TARBP1: variants seen among roughly 807,000 people sequenced by gnomAD.
TARBP1 encodes the protein tRNA (guanosine(18)-2'-O)-methyltransferase TARBP1.
TARBP1 carries 144 observed loss-of-function variants against 178.6 expected under a neutral mutation model. The ratio of observed to expected loss-of-function variants is 0.81; its 90% CI spans 0.70 to 0.93. The LOEUF is 0.93. Ranked by LOEUF, TARBP1 falls within the 40% of genes least tolerant of loss-of-function variation. TARBP1 has a pLI of 0.00. For missense variants in TARBP1, 2,067 were observed against 2,011.7 expected (o/e 1.03, Z -0.53); for synonymous variants, 787 against 781.0 (o/e 1.01, Z -0.13).
Position 234,472,810 on chromosome 1 carries a change from G to T in TARBP1, c.933C>A (p.Gly311=), listed in dbSNP as rs368606335. ...TCTCAGACCACCAAAACAGACTTGG[G>T]CCTGATATGGTTTAAAAAAGAAAAT... is the stretch of plus-strand genomic sequence containing the variant. ...DCTCGPQEGN[G]PSLFWWSERK... is the part of the protein sequence containing the mutation. Residue 311 remains glycine (G), a splice_region_variant and synonymous_variant, in exon 2 of 30, where the codon GGC becomes GGA. Coordinates refer to ENST00000040877, the MANE Select transcript of TARBP1 (RefSeq NM_005646.4). 1 of 1,588,754 alleles carries T rather than the reference G, an allele frequency of 6.3e-7. No individual in the cohort carries two copies. The highest frequency in any genetic ancestry group is 8.5e-7 in the Non-Finnish European group (1 of 1,173,256).
At chr1:234,425,929 A>G in intron 19 of TARBP1, 136 bp from the exon 20 acceptor site, 2 of 639,216 alleles carry the variant, frequency 3.1e-6, no homozygotes, top group Non-Finnish European at 5.3e-6. Context: ...ATACTTAATG[A>G]CAATACTTTT....
Position 234,478,870 on chromosome 1 carries a change from T to C in TARBP1, c.234A>G (p.Gly78=), listed in dbSNP as rs1669851808. 1 of 1,286,570 alleles carries C rather than the reference T, an allele frequency of 7.8e-7. No individual in the cohort carries two copies. The highest frequency in any genetic ancestry group is 1.6e-5 in the African/African-American group (1 of 63,748). The allele number at this position is 1,286,570 out of a possible 1,614,324, so 79.7% of individuals were successfully genotyped here. ...TGGGGTCCGGGCCGCCCGCGGGGCG[T>C]CCGCGCAGGCTCCGCAGCAGTGGCA... ...YLVPLLRSLR[G]RPAGGPDPSL... Residue 78 remains glycine, a synonymous_variant, in exon 1 of 30, where the codon GGA becomes GGG. Coordinates refer to ENST00000040877, the MANE Select transcript of TARBP1 (RefSeq NM_005646.4).
intron 12 of TARBP1, among the ~76,000 whole-genome samples, chr1:234,442,235 A>C (rs1665671785): frequency 6.6e-6 from 1 of 152,196 alleles, no homozygotes. Context: ...AAACAAAAAT[A>C]AACTGGATTT....
chr1:234,418,259 C>T (rs1363508306), intron 21 of TARBP1, 26 bp from the exon 22 acceptor site: 16 of 1,524,528 alleles, frequency 1.0e-5, no homozygotes, highest in Non-Finnish European at 1.3e-5. Flanking sequence ...CACAATTAAC[C>T]AGTTACAGTT....
intron 17 of TARBP1, 103 bp from the exon 18 acceptor site, chr1:234,427,869 A>T: frequency 5.7e-6 from 4 of 698,374 alleles, no homozygotes; most frequent in Non-Finnish European, 6.3e-6. Context: ...GAACAGTCTA[A>T]AAACTGTTAA....
intron 9 of TARBP1, among the ~76,000 whole-genome samples, chr1:234,452,851 C>CTTTATTTA (rs1427087932): frequency 2.0e-5 from 3 of 151,106 alleles, no homozygotes; most frequent in Non-Finnish European, 4.4e-5. Flanking sequence ...TGTGGTACAT[C>CTTTATTTA]CAGACAATGA....
intron 12 of TARBP1, among the ~76,000 whole-genome samples, chr1:234,445,395 C>G (rs2103198697): frequency 6.6e-6 from 1 of 152,212 alleles, no homozygotes; most frequent in South Asian, 2.1e-4. Context: ...TCCCAAATTT[C>G]TATCTCTAAC....
chr1:234,402,952 T>C (rs1336451033), intron 24 of TARBP1, among the ~76,000 whole-genome samples: 1 of 152,102 alleles, frequency 6.6e-6, no homozygotes, highest in African/African-American at 2.4e-5. Flanking sequence ...TCTTGATAAA[T>C]CCAGTCAGTA....
chr1:234,462,310 T>C (rs1350250598), intron 6 of TARBP1, among the ~76,000 whole-genome samples: 1 of 152,202 alleles, frequency 6.6e-6, no homozygotes, highest in African/African-American at 2.4e-5. Flanking sequence ...GCTACTGACA[T>C]GTAAGGCAGC....
At position 234,430,237 on chromosome 1, in the gene TARBP1, TC is replaced by T; in HGVS notation, c.2458del (p.Glu820ArgfsTer3). The T allele has an allele frequency of 1.9e-6, 3 of 1,614,180 alleles. No individual in the cohort carries two copies. The highest frequency in any genetic ancestry group is 2.5e-6 in the Non-Finnish European group (3 of 1,180,032). ...VSMAALAMVC[E>X]AIDQKPELQL... is the part of the protein sequence containing the mutation. ...CAGCTCAGGCTTCTGGTCTATGGCC[TC>T]ACACACCATGGCCAAGGCAGCCATG... On this transcript the variant is annotated frameshift_variant, in exon 15 of 30. Coordinates refer to ENST00000040877, the MANE Select transcript of TARBP1 (RefSeq NM_005646.4). LOFTEE classifies it high-confidence loss of function.
intron 9 of TARBP1, among the ~76,000 whole-genome samples, chr1:234,455,734 C>A (rs2103243901): frequency 6.6e-6 from 1 of 151,944 alleles, no homozygotes; most frequent in South Asian, 2.1e-4. Context: ...ATTACCCATT[C>A]AGCAAGCAAA....
intron 6 of TARBP1, among the ~76,000 whole-genome samples, chr1:234,462,029 A>C (rs1343448533): frequency 2.0e-5 from 3 of 152,262 alleles, no homozygotes; most frequent in African/African-American, 7.2e-5. Context: ...CTGAAAAATG[A>C]CTAAATAACT....
intron 10 of TARBP1, 50 bp from the exon 11 acceptor site, chr1:234,448,629 G>A (rs754299532): frequency 2.8e-6 from 4 of 1,449,848 alleles, no homozygotes; most frequent in Non-Finnish European, 3.8e-6. Context: ...AATCCTTCAA[G>A]GATGATGCTT....
chr1:234,429,161 C>T lies in TARBP1; in HGVS notation c.3035G>A (p.Gly1012Asp). ...KVLTIAAKIK[G>D]QAYFKIKEIM... ...CTCTTTTATTTTGAAATATGCCTGG[C>T]CCTTGATTTTGGCAGCAATGGTAAG... Residue 1012 changes from glycine (G) to aspartate (D), a missense_variant, in exon 17 of 30, where the codon GGC becomes GAC. By Grantham distance (94) the Gly-to-Asp change is moderately conservative. Transcript: ENST00000040877. 2 of 1,584,574 alleles carry T rather than the reference C, an allele frequency of 1.3e-6. 1 individual carries two copies. The highest frequency in any genetic ancestry group is 1.7e-6 in the Non-Finnish European group (2 of 1,172,506).
rs1378174489 is a variant in TARBP1 at position 234,429,495 on chromosome 1, G to A, written c.2792C>T (p.Ser931Phe). The A allele has an allele frequency of 6.2e-7, 1 of 1,614,196 alleles. No homozygotes were observed. The highest frequency in any genetic ancestry group is 2.2e-5 in the East Asian group (1 of 44,884). The stretch of plus-strand genomic sequence containing the variant: ...AAGAACTGTGAGGGCTTCTAGTGCA[G>A]ACTGCAAAGTCCTTATTGGCATCTG... ...AVQMPIRTLQ[S>F]ALEALTVLSS... is the part of the protein sequence containing the mutation. Residue 931 changes from serine to phenylalanine, a missense_variant, in exon 16 of 30, where the codon TCT becomes TTT. Coordinates refer to ENST00000040877, the MANE Select transcript of TARBP1 (RefSeq NM_005646.4).
At chr1:234,445,946 A>T (rs1469124842) in intron 12 of TARBP1, among the ~76,000 whole-genome samples, 1 of 152,216 alleles carries the variant, frequency 6.6e-6, no homozygotes, top group African/African-American at 2.4e-5. Flanking sequence ...TAGTCAGGAC[A>T]GCGCCAATGA....
chr1:234,415,867 G>A (rs922210626), intron 22 of TARBP1, among the ~76,000 whole-genome samples: 1 of 152,170 alleles, frequency 6.6e-6, no homozygotes, highest in Admixed American at 6.5e-5. Flanking sequence ...TTCTGATTCT[G>A]TAGCTTTCCC....
chr1:234,411,077 A>T (rs901764805), intron 22 of TARBP1, among the ~76,000 whole-genome samples: 1 of 152,210 alleles, frequency 6.6e-6, no homozygotes. Flanking sequence ...CTCAAAAAAA[A>T]ACATAAAATA....
intron 6 of TARBP1, among the ~76,000 whole-genome samples, chr1:234,463,279 A>G (rs958417783): frequency 2.6e-5 from 4 of 152,046 alleles, no homozygotes; most frequent in Non-Finnish European, 5.9e-5. Context: ...ACACACCATC[A>G]TGCCCGGATA....
Sources: gnomAD v4.1 joint callset for allele counts (sites outside exome capture counted in the v4.1 genomes callset) on GRCh38, gnomAD v4.1.1 for gene constraint, MANE v1.5 for transcripts, NCBI Gene and HGNC (gene_info 2026-07-23, HGNC 2026-07-21) for gene names.